The following RAB11FIP4 variants were observed in gnomAD, a reference collection of about 807,000 sequenced individuals.
RAB11FIP4 encodes rab11 family-interacting protein 4.
A neutral mutation model predicts 74.3 loss-of-function variants in RAB11FIP4; 23 were observed. The observed-to-expected ratio is 0.31, with a 90% CI of 0.22 to 0.44. RAB11FIP4 has a LOEUF of 0.44. Ranked by LOEUF, RAB11FIP4 falls within the 20% of genes least tolerant of loss-of-function variation. The pLI is 1.00. For synonymous variants in RAB11FIP4, 360 were observed against 359.9 expected, an observed-to-expected ratio of 1.00 and a Z score of 0.00; for missense variants, 630 against 863.9, an observed-to-expected ratio of 0.73 and a Z score of 3.39.
intron 3 of RAB11FIP4, among the ~76,000 whole-genome samples, chr17:31,501,021 CAA>C (rs79846096): frequency 5.6e-4 from 73 of 130,680 alleles, no homozygotes; most frequent in East Asian, 8.5e-4. Flanking sequence ...GACTCCATCT[CAA>C]AAAAAAAAAA....
intron 1 of RAB11FIP4, among the ~76,000 whole-genome samples, chr17:31,414,273 A>AGG (rs2071126946): frequency 6.6e-6 from 1 of 152,178 alleles, no homozygotes; most frequent in Non-Finnish European, 1.5e-5. Flanking sequence ...GCTATTCCCG[A>AGG]GGCTATTTTT....
intron 3 of RAB11FIP4, among the ~76,000 whole-genome samples, chr17:31,513,385 TGAATG>T (rs2072487992): frequency 6.6e-6 from 1 of 152,210 alleles, no homozygotes; most frequent in South Asian, 2.1e-4. Context: ...TCCCAGCCCA[TGAATG>T]GTGGCTCAAG....
intron 1 of RAB11FIP4, among the ~76,000 whole-genome samples, chr17:31,395,857 A>T (rs1273723023): frequency 2.6e-5 from 4 of 152,118 alleles, no homozygotes; most frequent in African/African-American, 9.7e-5. Flanking sequence ...ATAGTTCCCT[A>T]CTTTGTTGAC....
intron 3 of RAB11FIP4, among the ~76,000 whole-genome samples, chr17:31,457,548 C>T (rs920638306): frequency 2.0e-5 from 3 of 152,062 alleles, no homozygotes; most frequent in African/African-American, 4.8e-5. Flanking sequence ...CCCCTTTCTC[C>T]GGGGTGGGGC....
At chr17:31,448,624 T>C (rs1352166948) in intron 3 of RAB11FIP4, 1 of 152,096 alleles carries the variant, frequency 6.6e-6, no homozygotes, top group Admixed American at 6.6e-5. Context: ...TGACCCCGCG[T>C]GGCTGAGGCC....
At chr17:31,445,574 ATATATTTTTTTTTTTTT>A (rs2071453475) in intron 3 of RAB11FIP4, among the ~76,000 whole-genome samples, 2 of 10,036 alleles carry the variant, frequency 2.0e-4, no homozygotes, top group African/African-American at 1.0e-3. Flanking sequence ...ATATATATAT[ATATATTTTTTTTTTTTT>A]TTTTTTTTTT....
Position 31,488,136 on chromosome 17 carries a change from G to T in RAB11FIP4, c.337-29515G>T, listed in dbSNP as rs951902560. 1.2e-4 allele frequency: 129 copies of T among 1,041,646 alleles called. 1 individual carries two copies. In the African/African-American group the frequency reaches 2.0e-3, roughly 16 times the overall value. 64.5% of individuals were successfully genotyped at this position (1,041,646 alleles called of 1,614,324 possible). A position where few individuals can be genotyped will look rare whatever the true frequency, so the allele number is the denominator to read the frequency against. On this transcript the variant is annotated intron_variant, in intron 3 of 14. Coordinates refer to ENST00000621161, the MANE Select transcript of RAB11FIP4 (RefSeq NM_032932.6). ...GGTGCCCAGAAGTGCGAGCGGCAGCGGCGCGGCCGCGATTGTTCCTGCGCT... is the reference window on the plus strand; with the variant it reads ...GGTGCCCAGAAGTGCGAGCGGCAGCTGCGCGGCCGCGATTGTTCCTGCGCT...
At chr17:31,467,181 C>T (rs756945776) in intron 3 of RAB11FIP4, among the ~76,000 whole-genome samples, 4 of 152,024 alleles carry the variant, frequency 2.6e-5, no homozygotes, top group Non-Finnish European at 4.4e-5. Context: ...GGCATGATGT[C>T]GGTTCACTGC....
chr17:31,407,032 T>C (rs1307865421), intron 1 of RAB11FIP4, among the ~76,000 whole-genome samples: 1 of 149,018 alleles, frequency 6.7e-6, no homozygotes, highest in East Asian at 2.0e-4. Flanking sequence ...GTTTTTTTGT[T>C]TCACTTGATT....
intron 3 of RAB11FIP4, among the ~76,000 whole-genome samples, chr17:31,440,049 A>G (rs142573791): frequency 9.2e-4 from 140 of 152,028 alleles, no homozygotes; most frequent in African/African-American, 3.2e-3. Flanking sequence ...TCATTTATCA[A>G]CCTTTTTATG....
intron 3 of RAB11FIP4, among the ~76,000 whole-genome samples, chr17:31,451,274 C>T (rs2071524130): frequency 6.6e-6 from 1 of 152,058 alleles, no homozygotes; most frequent in East Asian, 1.9e-4. Context: ...GCTTGGCCAA[C>T]ATGGTGAAAC....
At chr17:31,525,820 G>A (rs1448661998) in intron 10 of RAB11FIP4, 1 of 153,310 alleles carries the variant, frequency 6.5e-6, no homozygotes, top group Non-Finnish European at 1.5e-5. Context: ...CTATGATGAT[G>A]CCTCTGTGAT....
At chr17:31,441,501 C>G (rs1458228729) in intron 3 of RAB11FIP4, among the ~76,000 whole-genome samples, 1 of 151,254 alleles carries the variant, frequency 6.6e-6, no homozygotes, top group African/African-American at 2.4e-5. Flanking sequence ...CATGATAACC[C>G]TATTAAACTC....
intron 3 of RAB11FIP4, among the ~76,000 whole-genome samples, chr17:31,458,143 T>A (rs1284047156): frequency 6.6e-6 from 1 of 152,192 alleles, no homozygotes; most frequent in African/African-American, 2.4e-5. Flanking sequence ...GGGGCCACAG[T>A]GTGCAGGGCC....
chr17:31,524,885 G>A, intron 9 of RAB11FIP4: 2 of 650,164 alleles, frequency 3.1e-6, no homozygotes, highest in Non-Finnish European at 5.3e-6. Flanking sequence ...TGACTGCCAG[G>A]CCTGCCCCTC....
rs553753704 is a variant in RAB11FIP4, at chr17:31,445,326, T to C, written c.336+11204T>C. Among the ~76,000 whole-genome samples, 45 of 150,482 alleles carry C rather than the reference T, an allele frequency of 3.0e-4. 3 individuals carry two copies. The South Asian group carries it at 9.7e-3, about 33-fold the overall frequency. ...TGAGTTTCTCTGCCCCTGTGTTTGT[T>C]GGTGGGGTGCATGTGCATACATACT... On this transcript the variant is annotated intron_variant, in intron 3 of 14. Transcript: ENST00000621161.
Position 31,533,301 on chromosome 17 carries a change from G to A in RAB11FIP4, c.*1569G>A, listed in dbSNP as rs561831423. 1 of 152,382 alleles carries A rather than the reference G, an allele frequency of 6.6e-6. No homozygotes were observed. Among genetic ancestry groups the A allele is most frequent in the African/African-American group, 2.4e-5 (1 of 41,552 alleles). 9.4% of individuals were successfully genotyped at this position (152,382 alleles called of 1,614,324 possible). ...TCTCGTGGCTTCTTTTTAATCTTTTGTTGGGGATTAGTTTCATGCTGCACA... is the reference window on the plus strand; with the variant it reads ...TCTCGTGGCTTCTTTTTAATCTTTTATTGGGGATTAGTTTCATGCTGCACA... On this transcript the variant is annotated 3_prime_UTR_variant, in exon 15 of 15. Transcript: ENST00000621161.
At chr17:31,424,241 T>C (rs1419540885) in intron 1 of RAB11FIP4, among the ~76,000 whole-genome samples, 1 of 152,282 alleles carries the variant, frequency 6.6e-6, no homozygotes, top group East Asian at 1.9e-4. Flanking sequence ...TGTGTAGTTG[T>C]TTTATGTCTT....
At chr17:31,413,851 GT>G (rs971940143) in intron 1 of RAB11FIP4, among the ~76,000 whole-genome samples, 1 of 152,164 alleles carries the variant, frequency 6.6e-6, no homozygotes, top group Non-Finnish European at 1.5e-5. Flanking sequence ...GTTTCATTGA[GT>G]TTTTTTCCCC....
Sources: allele counts gnomAD v4.1 joint callset (sites outside exome capture counted in the v4.1 genomes callset), GRCh38; gene constraint gnomAD v4.1.1; transcripts MANE v1.5; gene names NCBI Gene and HGNC (gene_info 2026-07-23, HGNC 2026-07-21).